The following ARSJ variants were observed in gnomAD, a reference collection of about 807,000 sequenced individuals.
ARSJ encodes the protein arylsulfatase J.
Under a neutral mutation model 35.9 loss-of-function variants are expected in ARSJ, and 26 were observed. The ratio of observed to expected loss-of-function variants is 0.72; its 90% CI spans 0.53 to 1.00. The LOEUF (loss-of-function observed/expected upper bound fraction) is 1.00, where lower values mean the gene tolerates loss of function less well. Ranked by LOEUF, ARSJ falls within the 50% of genes least tolerant of loss-of-function variation. ARSJ has a pLI of 0.00. For synonymous variants in ARSJ, 294 were observed against 267.6 expected, an observed-to-expected ratio of 1.10 and a Z score of -0.96; for missense variants, 667 against 723.6, an observed-to-expected ratio of 0.92 and a Z score of 0.90.
intron 1 of ARSJ, among the ~76,000 whole-genome samples, chr4:113,949,157 A>G (rs1185725176): frequency 7.4e-6 from 1 of 136,038 alleles, no homozygotes; most frequent in Non-Finnish European, 1.6e-5. Flanking sequence ...ATATGGGCAC[A>G]GGGAGGGGAA....
intron 1 of ARSJ, among the ~76,000 whole-genome samples, chr4:113,931,141 A>G (rs1724420884): frequency 6.6e-6 from 1 of 152,008 alleles, no homozygotes; most frequent in Non-Finnish European, 1.5e-5. Flanking sequence ...TAACCTACAC[A>G]ATGTGCACAT....
chr4:113,927,025 C>T (rs895275066), intron 1 of ARSJ, among the ~76,000 whole-genome samples: 1 of 152,136 alleles, frequency 6.6e-6, no homozygotes, highest in Non-Finnish European at 1.5e-5. Flanking sequence ...TGCACAGCAG[C>T]CTGGAGCTGT....
rs2099667560 is a variant in ARSJ, at chr4:113,902,824, T to C, written c.1250A>G (p.Asp417Gly). 1 of 1,614,026 alleles carries C rather than the reference T, an allele frequency of 6.2e-7. No individual in the cohort carries two copies. Among genetic ancestry groups the C allele is most frequent in the Non-Finnish European group, 8.5e-7 (1 of 1,180,044 alleles). ...TATGGGGTCAATGTTATGCAAAATA[T>C]CTACTCGGGGTGAGCGAAGACCCTC... ...ISEGLRSPRVDILHNIDPIYT... is the reference protein window; with the variant it reads ...ISEGLRSPRVGILHNIDPIYT... Residue 417 changes from aspartate to glycine, a missense_variant, in exon 2 of 2, where the codon GAT becomes GGT. By Grantham distance (94) the Asp-to-Gly change is moderately conservative (BLOSUM62 -1). Transcript: ENST00000315366.
At chr4:113,927,584 C>T (rs889556769) in intron 1 of ARSJ, among the ~76,000 whole-genome samples, 2 of 152,164 alleles carry the variant, frequency 1.3e-5, no homozygotes, top group African/African-American at 2.4e-5. Flanking sequence ...TCCTTATGGA[C>T]AGGAATGGAG....
intron 1 of ARSJ, among the ~76,000 whole-genome samples, chr4:113,909,899 A>G (rs1159049867): frequency 6.6e-6 from 1 of 152,200 alleles, no homozygotes; most frequent in East Asian, 1.9e-4. Context: ...AGTTTATAAT[A>G]TCATTTACAG....
intron 1 of ARSJ, among the ~76,000 whole-genome samples, chr4:113,947,621 G>A (rs570461876): frequency 2.9e-4 from 44 of 149,766 alleles, no homozygotes; most frequent in African/African-American, 1.1e-3. Flanking sequence ...GAGGGAGGAA[G>A]GAAGGGAAAG....
chr4:113,902,839 C>A lies in ARSJ; in HGVS notation c.1235G>T (p.Arg412Leu), dbSNP rs754834460. 6.2e-7 allele frequency: 1 copy of A among 1,614,046 alleles called. No homozygotes were observed. Among genetic ancestry groups the A allele is most frequent in the Admixed American group, 1.7e-5 (1 of 60,018 alleles). Residue 412 changes from arginine (R) to leucine (L), a missense_variant, in exon 2 of 2, where the codon CGC becomes CTC. Physicochemically the swap from Arg to Leu is moderately radical, Grantham distance 102 (BLOSUM62 -2). Transcript: ENST00000315366. ...ATGCAAAATATCTACTCGGGGTGAGCGAAGACCCTCACTTATGGTCTCCCA... is the reference window on the plus strand; with the variant it reads ...ATGCAAAATATCTACTCGGGGTGAGAGAAGACCCTCACTTATGGTCTCCCA... The part of the protein sequence containing the change: ...DIWETISEGL[R>L]SPRVDILHNI...
chr4:113,924,474 A>G (rs1723928642), intron 1 of ARSJ, among the ~76,000 whole-genome samples: 2 of 151,994 alleles, frequency 1.3e-5, no homozygotes, highest in Non-Finnish European at 2.9e-5. Flanking sequence ...CTTCAATCCA[A>G]TCAAGTTGAC....
chr4:113,954,859 C>A (rs1416629327), intron 1 of ARSJ, among the ~76,000 whole-genome samples: 1 of 152,048 alleles, frequency 6.6e-6, no homozygotes, highest in Non-Finnish European at 1.5e-5. Flanking sequence ...TTTATTTTTT[C>A]TAATACAGTC....
chr4:113,911,967 T>G (rs1034655543), intron 1 of ARSJ, among the ~76,000 whole-genome samples: 1 of 152,014 alleles, frequency 6.6e-6, no homozygotes, highest in Non-Finnish European at 1.5e-5. Context: ...AAGAAAAGAG[T>G]GGTGTGCTAC....
intron 1 of ARSJ, among the ~76,000 whole-genome samples, chr4:113,960,152 C>A (rs34703805): frequency 6.6e-6 from 1 of 151,814 alleles, no homozygotes; most frequent in Non-Finnish European, 1.5e-5. Context: ...AATGATAAAA[C>A]GATAAGAAAA....
rs1220938133 is a variant in ARSJ at position 113,979,644 on chromosome 4, A to C, written c.-810T>G. 1 of 152,354 alleles carries C rather than the reference A, an allele frequency of 6.6e-6. No homozygotes were observed. The highest frequency in any genetic ancestry group is 1.9e-4 in the East Asian group (1 of 5,188). 9.4% of individuals were successfully genotyped at this position (152,354 alleles called of 1,614,324 possible). On this transcript the variant is annotated 5_prime_UTR_variant, in exon 1 of 2. Coordinates refer to ENST00000315366, the MANE Select transcript of ARSJ (RefSeq NM_024590.4). Reference sequence around the variant, plus strand: ...TGGCGCACCCGGCGCAGGCGCTGCAAACTGCGTGCGTTTTCTCAGCTAACT... The same window carrying C: ...TGGCGCACCCGGCGCAGGCGCTGCACACTGCGTGCGTTTTCTCAGCTAACT...
chr4:113,959,253 C>A (rs961753762), intron 1 of ARSJ, among the ~76,000 whole-genome samples: 1 of 151,786 alleles, frequency 6.6e-6, no homozygotes, highest in Non-Finnish European at 1.5e-5. Flanking sequence ...TTCTGTTTAC[C>A]CTCAGTTCAG....
intron 1 of ARSJ, among the ~76,000 whole-genome samples, chr4:113,914,086 G>T (rs1357483055): frequency 6.6e-6 from 1 of 152,018 alleles, no homozygotes; most frequent in African/African-American, 2.4e-5. Context: ...TGATTTTCCT[G>T]CCTCAGCCTC....
chr4:113,956,238 T>G (rs185452580), intron 1 of ARSJ, among the ~76,000 whole-genome samples: 5 of 152,082 alleles, frequency 3.3e-5, no homozygotes, highest in Admixed American at 2.0e-4. Flanking sequence ...TGGAATAAAA[T>G]AGATTAGGAT....
chr4:113,961,502 A>G (rs2149280721), intron 1 of ARSJ, among the ~76,000 whole-genome samples: 1 of 152,182 alleles, frequency 6.6e-6, no homozygotes, highest in Non-Finnish European at 1.5e-5. Context: ...ATCTTTCTCA[A>G]TGTCTGCACA....
chr4:113,972,290 C>G (rs1164581250), intron 1 of ARSJ, among the ~76,000 whole-genome samples: 6 of 64,270 alleles, frequency 9.3e-5, no homozygotes, highest in Middle Eastern at 0.015. Context: ...AAGAGATGAT[C>G]TGGAAAAAAA....
intron 1 of ARSJ, among the ~76,000 whole-genome samples, chr4:113,917,478 TA>T (rs1240053643): frequency 6.6e-6 from 1 of 152,182 alleles, no homozygotes; most frequent in East Asian, 1.9e-4. Context: ...AAGGATTAGC[TA>T]AAAATTATAT....
chr4:113,909,836 CA>C (rs2099669898), intron 1 of ARSJ, among the ~76,000 whole-genome samples: 3 of 152,110 alleles, frequency 2.0e-5, no homozygotes, highest in African/African-American at 7.2e-5. Flanking sequence ...GACTACTGCT[CA>C]ATGTGTCAGT....
Sources: gnomAD v4.1 joint callset for allele counts (sites outside exome capture counted in the v4.1 genomes callset) on GRCh38, gnomAD v4.1.1 for gene constraint, MANE v1.5 for transcripts, NCBI Gene and HGNC (gene_info 2026-07-23, HGNC 2026-07-21) for gene names.